Variants in SLC6A6 observed in about 807,000 individuals in gnomAD.
SLC6A6 encodes the protein solute carrier family 6 member 6, also known as sodium- and chloride-dependent taurine transporter.
SLC6A6 carries 16 observed loss-of-function variants against 68.8 expected under a neutral mutation model. The ratio of observed to expected loss-of-function variants is 0.23; its 90% CI spans 0.16 to 0.35. SLC6A6 has a LOEUF of 0.35. SLC6A6 is among the 10% of genes least tolerant of loss of function. The pLI is 1.00. For missense variants in SLC6A6, 474 were observed against 802.8 expected (o/e 0.59, Z 4.95); for synonymous variants, 312 against 315.4 (o/e 0.99, Z 0.12).
At chr3:14,465,171 A>G (rs1559308405) in intron 6 of SLC6A6, among the ~76,000 whole-genome samples, 1 of 152,234 alleles carries the variant, frequency 6.6e-6, no homozygotes, top group African/African-American at 2.4e-5. Flanking sequence ...CCCAGGCATA[A>G]TCTCTGTCTG....
Position 14,488,280 on chromosome 3 carries a change from G to T in SLC6A6, c.*3273G>T, listed in dbSNP as rs923130777. On this transcript the variant is annotated 3_prime_UTR_variant, in exon 15 of 15. Transcript: ENST00000622186. ...GGACAGCATAACCCCTGGGCCATGT[G>T]CAGCTCCTTCACTGCCCCCTGGATC... 6.5e-6 allele frequency: 1 copy of T among 152,718 alleles called. No individual in the cohort carries two copies. Among genetic ancestry groups the T allele is most frequent in the Admixed American group, 6.5e-5 (1 of 15,296 alleles). 9.5% of individuals were successfully genotyped at this position (152,718 alleles called of 1,614,324 possible).
In SLC6A6 at chr3:14,440,268, G is replaced by A. The variant is rs571216927; in HGVS notation, c.-11-3356G>A. Among the ~76,000 whole-genome samples, 178 of 152,212 alleles carry A rather than the reference G, an allele frequency of 1.2e-3. 1 individual carries two copies. Among genetic ancestry groups the A allele is most frequent in the African/African-American group, 4.2e-3 (176 of 41,534 alleles). ...TTTGGGGAAGTGACTTTCAGCTTCT[G>A]GGTTGAGGCTTATATTCTGGTCCCT... On this transcript the variant is annotated intron_variant, in intron 2 of 14. Coordinates refer to ENST00000622186, the MANE Select transcript of SLC6A6 (RefSeq NM_003043.6).
At chr3:14,455,465 G>T (rs919203209) in intron 5 of SLC6A6, among the ~76,000 whole-genome samples, 1 of 152,202 alleles carries the variant, frequency 6.6e-6, no homozygotes, top group Non-Finnish European at 1.5e-5. Context: ...TCTTGTGACT[G>T]GGCATCTTAT....
chr3:14,410,576 G>T (rs1273513400), intron 1 of SLC6A6, among the ~76,000 whole-genome samples: 1 of 152,204 alleles, frequency 6.6e-6, no homozygotes, highest in South Asian at 2.1e-4. Flanking sequence ...GGTTGGGCTG[G>T]CAATGGAAGG....
rs758401801 is a variant in SLC6A6, at chr3:14,443,979, T to C, written c.229+116T>C. The C allele has an allele frequency of 3.0e-5, 21 of 694,262 alleles. No homozygotes were observed. In the South Asian group the frequency reaches 3.4e-4, roughly 11 times the overall value. The allele number at this position is 694,262 out of a possible 1,614,324, so 43.0% of individuals were successfully genotyped here. ...TCCCTGCTTTCCCTGGCCCCCCCCC[T>C]TGACCTCCATGAGGTCAGCCTGCCA... is the stretch of plus-strand genomic sequence containing the variant. On this transcript the variant is annotated intron_variant, in intron 3 of 14. Coordinates refer to ENST00000622186, the MANE Select transcript of SLC6A6 (RefSeq NM_003043.6).
At chr3:14,460,334 C>T (rs894665449) in intron 6 of SLC6A6, among the ~76,000 whole-genome samples, 22 of 151,654 alleles carry the variant, frequency 1.5e-4, no homozygotes, top group African/African-American at 4.1e-4. Flanking sequence ...AATGGGGATG[C>T]GAGCTATGGG....
chr3:14,413,396 G>C (rs1039409106), intron 1 of SLC6A6, among the ~76,000 whole-genome samples: 1 of 152,226 alleles, frequency 6.6e-6, no homozygotes, highest in African/African-American at 2.4e-5. Flanking sequence ...TCTGCTTTGA[G>C]GACAGAGAGG....
At chr3:14,447,963 T>G in intron 5 of SLC6A6, 147 bp downstream of exon 5, 10 of 1,454,794 alleles carry the variant, frequency 6.9e-6, no homozygotes, top group Non-Finnish European at 9.0e-6. Context: ...ATTTATGCCT[T>G]TGGCCATAGA....
intron 2 of SLC6A6, among the ~76,000 whole-genome samples, chr3:14,431,121 G>A (rs1699715051): frequency 6.6e-6 from 1 of 152,192 alleles, no homozygotes; most frequent in African/African-American, 2.4e-5. Context: ...CTAAAGATCT[G>A]GTGTTCATCT....
chr3:14,481,384 G>GAGGA lies in SLC6A6; in HGVS notation c.1552-283_1552-280dup, dbSNP rs1701003236. 1.3e-5 allele frequency among the ~76,000 whole-genome samples: 2 copies of GAGGA among 152,190 alleles called. No homozygotes were observed. Among genetic ancestry groups the GAGGA allele is most frequent in the South Asian group, 2.1e-4 (1 of 4,832 alleles). On this transcript the variant is annotated intron_variant, in intron 13 of 14. Coordinates refer to ENST00000622186, the MANE Select transcript of SLC6A6 (RefSeq NM_003043.6). This position sits in a 1 kb window ranked among gnomAD's most constrained non-coding sequence, Gnocchi z 4.7. ...GGAGGGAGAGTTGAGGCAGATGAGG[G>GAGGA]AGGAAGGGGTACAGCTTCTGCTGAC...
intron 1 of SLC6A6, among the ~76,000 whole-genome samples, chr3:14,403,446 G>A (rs529564878): frequency 6.6e-6 from 1 of 152,184 alleles, no homozygotes; most frequent in Non-Finnish European, 1.5e-5. Context: ...CAGGTCCCTG[G>A]TTGTGGGCAC....
chr3:14,428,359 G>T (rs1329938354), intron 2 of SLC6A6, among the ~76,000 whole-genome samples: 1 of 152,230 alleles, frequency 6.6e-6, no homozygotes, highest in Non-Finnish European at 1.5e-5. Flanking sequence ...GCTCAGCAGG[G>T]CCTCGGCTCA....
At chr3:14,447,966 G>T in intron 5 of SLC6A6, 150 bp downstream of exon 5, 1 of 1,448,410 alleles carries the variant, frequency 6.9e-7, no homozygotes. Context: ...TATGCCTTTG[G>T]CCATAGACAG....
intron 2 of SLC6A6, among the ~76,000 whole-genome samples, chr3:14,441,228 G>A (rs1192031800): frequency 6.6e-6 from 1 of 152,118 alleles, no homozygotes; most frequent in Non-Finnish European, 1.5e-5. Flanking sequence ...GAGCTTCTGG[G>A]TGAGGAGGCT....
intron 2 of SLC6A6, among the ~76,000 whole-genome samples, chr3:14,427,441 C>T (rs1248710050): frequency 6.6e-6 from 1 of 152,220 alleles, no homozygotes; most frequent in Non-Finnish European, 1.5e-5. Flanking sequence ...CCCCATCAGC[C>T]TGGCTTCAGA....
At chr3:14,466,485 A>G (rs776907089) in intron 6 of SLC6A6, 31 bp from the exon 7 acceptor site, 49 of 1,593,484 alleles carry the variant, frequency 3.1e-5, no homozygotes, top group Non-Finnish European at 4.0e-5. Context: ...AGTGATGCCC[A>G]TGGCCTCCTG....
At chr3:14,418,686 AAAT>A (rs1181970070) in intron 2 of SLC6A6, among the ~76,000 whole-genome samples, 1 of 152,196 alleles carries the variant, frequency 6.6e-6, no homozygotes, top group Non-Finnish European at 1.5e-5. Flanking sequence ...CTTTTTGAAA[AAAT>A]ATGAGAAATT....
chr3:14,427,147 C>T (rs1023994309), intron 2 of SLC6A6, among the ~76,000 whole-genome samples: 2 of 152,096 alleles, frequency 1.3e-5, no homozygotes, highest in African/African-American at 2.4e-5. Context: ...GAGTAGAAGC[C>T]CTTTGGGAAG....
At chr3:14,427,139 G>A (rs1479503997) in intron 2 of SLC6A6, among the ~76,000 whole-genome samples, 3 of 144,990 alleles carry the variant, frequency 2.1e-5, no homozygotes, top group Non-Finnish European at 4.4e-5. Flanking sequence ...GTGCCTCAGA[G>A]TAGAAGCCCT....
Sources: allele counts gnomAD v4.1 joint callset (sites outside exome capture counted in the v4.1 genomes callset), GRCh38; gene constraint gnomAD v4.1.1; non-coding constraint Gnocchi (gnomAD v3.1); transcripts MANE v1.5; gene names NCBI Gene and HGNC (gene_info 2026-07-23, HGNC 2026-07-21).